Variants in WDR70 observed in about 807,000 individuals in gnomAD.
WDR70 encodes WD repeat domain 70.
Under a neutral mutation model 88.6 loss-of-function variants are expected in WDR70, and 53 were observed. That is an observed-to-expected ratio of 0.60 (90% confidence interval 0.48 to 0.75). The LOEUF (loss-of-function observed/expected upper bound fraction) is 0.75. WDR70 is among the 30% of genes least tolerant of loss of function. The probability of loss-of-function intolerance (pLI) is 0.00; values close to 1 mark genes in which losing one functional copy is unlikely to be tolerated. For synonymous variants in WDR70, 280 were observed against 270.0 expected (o/e 1.04, Z -0.36); for missense variants, 610 against 823.2 (o/e 0.74, Z 3.17).
At chr5:37,396,715 C>T (rs1446639348) in intron 5 of WDR70, 145 bp downstream of exon 5, 2 of 1,344,116 alleles carry the variant, frequency 1.5e-6, no homozygotes, top group Non-Finnish European at 1.9e-6. Flanking sequence ...CCTGTAATCC[C>T]AGTTACTTGG....
chr5:37,750,004 T>G (rs540501180), intron 17 of WDR70, among the ~76,000 whole-genome samples: 2 of 152,334 alleles, frequency 1.3e-5, no homozygotes, highest in Admixed American at 6.5e-5. Flanking sequence ...ACAAATCAAC[T>G]TTATTGAGGT....
chr5:37,524,026 G>A (rs1315804630), intron 9 of WDR70, among the ~76,000 whole-genome samples: 4 of 152,164 alleles, frequency 2.6e-5, no homozygotes, highest in Admixed American at 2.6e-4. Context: ...AAAGTGACGG[G>A]GAGAATGGAA....
intron 10 of WDR70, among the ~76,000 whole-genome samples, chr5:37,670,803 C>T (rs1049501473): frequency 6.6e-6 from 1 of 152,150 alleles, no homozygotes; most frequent in Non-Finnish European, 1.5e-5. Flanking sequence ...TCCATTTTCC[C>T]TCACTGAAAT....
At chr5:37,729,923 G>A (rs1293562299) in intron 17 of WDR70, among the ~76,000 whole-genome samples, 1 of 151,928 alleles carries the variant, frequency 6.6e-6, no homozygotes, top group African/African-American at 2.4e-5. Flanking sequence ...ACCCCTTGTA[G>A]CTAAATAATC....
chr5:37,479,864 C>T lies in WDR70; in HGVS notation c.717C>T (p.Asn239=), dbSNP rs1739608825. 3.1e-6 allele frequency: 5 copies of T among 1,613,910 alleles called. No homozygotes were observed. Among genetic ancestry groups the T allele is most frequent in the Non-Finnish European group, 3.4e-6 (4 of 1,180,004 alleles). The change falls in exon 8 of 18, where the codon AAC becomes AAT. Residue 239 remains asparagine (N), a synonymous_variant. Coordinates refer to ENST00000265107, the MANE Select transcript of WDR70 (RefSeq NM_018034.4). ...CHQIKSLQYS[N]TGDMILVVSG... ...AGATCAAGTCATTACAGTATAGTAA[C>T]ACAGGAGACATGATTCTTGTTGTAT...
At chr5:37,670,645 A>T (rs961285530) in intron 10 of WDR70, among the ~76,000 whole-genome samples, 14 of 152,238 alleles carry the variant, frequency 9.2e-5, no homozygotes, top group Non-Finnish European at 2.1e-4. Context: ...CCTTGGAATC[A>T]CAAGTAATTG....
intron 9 of WDR70, among the ~76,000 whole-genome samples, chr5:37,574,753 A>G (rs1743007231): frequency 6.6e-6 from 1 of 152,062 alleles, no homozygotes; most frequent in African/African-American, 2.4e-5. Flanking sequence ...ATTTTTCCTT[A>G]TTTCTATAAA....
chr5:37,584,892 T>G (rs1743321014), intron 9 of WDR70, among the ~76,000 whole-genome samples: 1 of 151,268 alleles, frequency 6.6e-6, no homozygotes, highest in Non-Finnish European at 1.5e-5. Flanking sequence ...ATATTCCACC[T>G]CCACCTCTGC....
intron 9 of WDR70, among the ~76,000 whole-genome samples, chr5:37,557,914 A>G (rs35556734): frequency 9.9e-5 from 4 of 40,242 alleles, no homozygotes; most frequent in African/African-American, 3.0e-4. Flanking sequence ...CTCTTTTGAA[A>G]ACTCTTCAAA....
At chr5:37,528,094 A>G (rs540751455) in intron 9 of WDR70, among the ~76,000 whole-genome samples, 2 of 152,342 alleles carry the variant, frequency 1.3e-5, no homozygotes, top group Non-Finnish European at 2.9e-5. Context: ...ATCTATAACT[A>G]GAAACAGCAT....
At chr5:37,538,442 A>G (rs904031113) in intron 9 of WDR70, among the ~76,000 whole-genome samples, 6 of 152,238 alleles carry the variant, frequency 3.9e-5, no homozygotes, top group Non-Finnish European at 7.3e-5. Context: ...GACTAGGTCA[A>G]TGTGAGACAT....
chr5:37,743,815 A>C (rs2972941), intron 17 of WDR70, among the ~76,000 whole-genome samples: 119,868 of 152,210 alleles, frequency 0.79, 52,161 homozygotes, highest in East Asian at 1. Context: ...TAGTCTTTGC[A>C]GACCAACAGA....
At chr5:37,682,156 G>T (rs1746457321) in intron 10 of WDR70, among the ~76,000 whole-genome samples, 1 of 151,992 alleles carries the variant, frequency 6.6e-6, no homozygotes, top group East Asian at 1.9e-4. Flanking sequence ...TTTAGTCTTG[G>T]TAGGTTGTAT....
chr5:37,387,171 G>T (rs1748646287), intron 3 of WDR70, among the ~76,000 whole-genome samples: 2 of 151,878 alleles, frequency 1.3e-5, no homozygotes, highest in South Asian at 4.1e-4. Flanking sequence ...TAGGTTTAAG[G>T]CCCAGCCCCA....
chr5:37,585,696 C>G (rs114024968), intron 9 of WDR70, among the ~76,000 whole-genome samples: 268 of 152,226 alleles, frequency 1.8e-3, no homozygotes, highest in Non-Finnish European at 2.8e-3. Flanking sequence ...TGTCTTCATT[C>G]CTTTTTAGCC....
intron 5 of WDR70, among the ~76,000 whole-genome samples, chr5:37,434,501 T>A (rs956014524): frequency 2.6e-5 from 4 of 152,214 alleles, no homozygotes; most frequent in Admixed American, 6.5e-5. Flanking sequence ...CAGTCCTTAC[T>A]GTCTTCCCCC....
chr5:37,733,871 A>G (rs1401447688), intron 17 of WDR70, among the ~76,000 whole-genome samples: 4 of 151,810 alleles, frequency 2.6e-5, no homozygotes, highest in Non-Finnish European at 4.4e-5. Flanking sequence ...TAGACCTGTC[A>G]TATTTCCTTT....
At chr5:37,650,259 G>T (rs1320090473) in intron 10 of WDR70, among the ~76,000 whole-genome samples, 1 of 151,602 alleles carries the variant, frequency 6.6e-6, no homozygotes, top group African/African-American at 2.4e-5. Flanking sequence ...AAATTAGCTG[G>T]GTGTGGTGGT....
chr5:37,450,885 A>T (rs1738657953), intron 7 of WDR70, among the ~76,000 whole-genome samples: 1 of 151,684 alleles, frequency 6.6e-6, no homozygotes, highest in African/African-American at 2.4e-5. Flanking sequence ...GTGTGAGTGT[A>T]TACATTTTCT....
Sources: gnomAD v4.1 joint callset for allele counts (sites outside exome capture counted in the v4.1 genomes callset) on GRCh38, gnomAD v4.1.1 for gene constraint, MANE v1.5 for transcripts, NCBI Gene and HGNC (gene_info 2026-07-23, HGNC 2026-07-21) for gene names.